The following AIM2 variants were observed in gnomAD, a reference collection of about 807,000 sequenced individuals.
AIM2 encodes the protein absent in melanoma 2.
AIM2 carries 30 observed loss-of-function variants against 27.7 expected under a neutral mutation model. The ratio of observed to expected loss-of-function variants is 1.08; its 90% CI spans 0.81 to 1.47. AIM2 has a LOEUF of 1.47. Among genes scored for constraint, AIM2 ranks in the 40% most tolerant of loss-of-function variants. The pLI is 0.00. For synonymous variants in AIM2, 141 were observed against 145.3 expected (o/e 0.97, Z 0.21); for missense variants, 358 against 411.3 (o/e 0.87, Z 1.12).
chr1:159,144,510 A>G (rs971768340), upstream of AIM2, among the ~76,000 whole-genome samples: 3 of 152,318 alleles, frequency 2.0e-5, no homozygotes, highest in Middle Eastern at 3.4e-3. Flanking sequence ...AAAGGGCAGG[A>G]AGGGTGAAGT....
chr1:159,124,495 T>C lies in AIM2; in HGVS notation c.-16+15936A>G, dbSNP rs565098632. On this transcript the variant is annotated intron_variant, in intron 1 of 2. Transcript: ENST00000368129. ...TCTCGTCTATTGCTGTACTCTGTAATCTTTACTATTCTTTGGAATCCTCTC... is the reference window on the plus strand; with the variant it reads ...TCTCGTCTATTGCTGTACTCTGTAACCTTTACTATTCTTTGGAATCCTCTC... Among the ~76,000 whole-genome samples the C allele has an allele frequency of 1.3e-4, 20 of 152,332 alleles. No individual in the cohort carries two copies. In the East Asian group the frequency reaches 3.5e-3, roughly 26 times the overall value.
At chr1:159,105,525 T>C (rs1657420020) in intron 1 of AIM2, among the ~76,000 whole-genome samples, 1 of 152,108 alleles carries the variant, frequency 6.6e-6, no homozygotes, top group East Asian at 1.9e-4. Context: ...AACTGGAGGG[T>C]GAGCAAGGTA....
chr1:159,077,922 A>G (rs855873), upstream of AIM2, among the ~76,000 whole-genome samples: 128,378 of 152,216 alleles, frequency 0.84, 56,107 homozygotes, highest in East Asian at 1. Flanking sequence ...CCAAGTCATG[A>G]AAACAGACAT....
At chr1:159,127,280 A>G in intron 1 of AIM2, among the ~76,000 whole-genome samples, 1 of 152,262 alleles carries the variant, frequency 6.6e-6, no homozygotes, top group South Asian at 2.1e-4. Flanking sequence ...GGGTATGTAT[A>G]ATTTATTTCA....
At chr1:159,061,397 T>C (rs1655829232), downstream of AIM2, among the ~76,000 whole-genome samples, 1 of 151,976 alleles carries the variant, frequency 6.6e-6, no homozygotes. Flanking sequence ...GGATACAGGA[T>C]CTTTTTGTTT....
At chr1:159,073,113 T>C in intron 2 of AIM2, 125 bp downstream of exon 2, 1 of 1,172,306 alleles carries the variant, frequency 8.5e-7, no homozygotes. Context: ...AAGAGACAGG[T>C]GCACTAAGTT....
rs370464759 is a variant in AIM2, at chr1:159,113,068, C to T, written c.-16+27363G>A. ...CACGCCATTCTCCTGCCTCAGCCTCCGGAGTAGCTGGGACTACAGGCATCC... is the reference window on the plus strand; with the variant it reads ...CACGCCATTCTCCTGCCTCAGCCTCTGGAGTAGCTGGGACTACAGGCATCC... On this transcript the variant is annotated intron_variant, in intron 1 of 2. Coordinates refer to the AIM2 transcript ENST00000368129. 1.5e-4 allele frequency among the ~76,000 whole-genome samples: 23 copies of T among 152,010 alleles called. No individual in the cohort carries two copies. In the East Asian group the frequency reaches 1.7e-3, roughly 11 times the overall value.
upstream of AIM2, among the ~76,000 whole-genome samples, chr1:159,077,904 C>T (rs540904463): frequency 1.3e-5 from 2 of 152,258 alleles, no homozygotes; most frequent in South Asian, 2.1e-4. Context: ...AGATGTTGAG[C>T]GGCTCTGCCA....
intron 1 of AIM2, among the ~76,000 whole-genome samples, chr1:159,092,970 GAGCCAAGATCGCGC>G (rs1657080684): frequency 6.6e-6 from 1 of 152,016 alleles, no homozygotes; most frequent in African/African-American, 2.4e-5. Context: ...AGGTTGCAGT[GAGCCAAGATCGCGC>G]CACTACACTC....
chr1:159,064,476 A>G (rs1446053776), intron 4 of AIM2, among the ~76,000 whole-genome samples: 1 of 152,092 alleles, frequency 6.6e-6, no homozygotes, highest in Admixed American at 6.6e-5. Flanking sequence ...CTATTTGTTT[A>G]TTTTTTGAAA....
At chr1:159,081,317 G>C (rs536883259), upstream of AIM2, 9 of 222,910 alleles carry the variant, frequency 4.0e-5, no homozygotes, top group South Asian at 3.9e-4. Context: ...AAAATCTGTT[G>C]ACCTGGGTCT....
rs200352610 is a variant in AIM2 at position 159,119,887 on chromosome 1, CAGAG to C, written c.-16+20540_-16+20543del. On this transcript the variant is annotated intron_variant, in intron 1 of 2. Transcript: ENST00000368129. ...CTCCACATATGCACACTCACACATACAGAGAGACTTATAGATTATATGTAGATAA... is the reference window on the plus strand; with the variant it reads ...CTCCACATATGCACACTCACACATACAGACTTATAGATTATATGTAGATAA... Among the ~76,000 whole-genome samples, 1,193 of 151,988 alleles carry C rather than the reference CAGAG, an allele frequency of 7.8e-3. 10 individuals are homozygous for C. Among genetic ancestry groups the C allele is most frequent in the Non-Finnish European group, 0.014 (951 of 67,976 alleles).
upstream of AIM2, among the ~76,000 whole-genome samples, chr1:159,079,211 G>A (rs1272729465): frequency 6.6e-6 from 1 of 152,072 alleles, no homozygotes; most frequent in African/African-American, 2.4e-5. Flanking sequence ...CAAAAAGACA[G>A]TGCTAATACT....
At chr1:159,142,668 T>C (rs1648137279), upstream of AIM2, among the ~76,000 whole-genome samples, 1 of 152,184 alleles carries the variant, frequency 6.6e-6, no homozygotes, top group South Asian at 2.1e-4. Context: ...TAACCATATA[T>C]AAAGACCTCT....
At chr1:159,079,371 G>GA (rs936230238), upstream of AIM2, among the ~76,000 whole-genome samples, 50 of 151,166 alleles carry the variant, frequency 3.3e-4, no homozygotes, top group Non-Finnish European at 2.2e-4. Flanking sequence ...AAACAGGAGA[G>GA]AAAAAAAATA....
chr1:159,073,211 G>A (rs370595986), intron 2 of AIM2, 27 bp downstream of exon 2: 10 of 1,611,610 alleles, frequency 6.2e-6, no homozygotes, highest in African/African-American at 4.0e-5. Flanking sequence ...AAAAAGGGAC[G>A]GGGCAGGTGT....
intron 1 of AIM2, among the ~76,000 whole-genome samples, chr1:159,082,659 G>T (rs146085057): frequency 1.3e-5 from 2 of 152,190 alleles, no homozygotes; most frequent in East Asian, 3.9e-4. Context: ...ACTATCCCAC[G>T]TAGTATAAGA....
At chr1:159,055,235 C>T in the AIM2 span, 73 of 169,858 alleles carry the variant, frequency 4.3e-4, no homozygotes, top group African/African-American at 1.4e-3. Context: ...CAGGGTGGGG[C>T]ACACAGGCCT....
chr1:159,073,642 T>G, intron 1 of AIM2, 123 bp from the exon 2 acceptor site: 3 of 979,050 alleles, frequency 3.1e-6, no homozygotes, highest in Non-Finnish European at 4.4e-6. Flanking sequence ...GTAAAAGAGA[T>G]TTGAGTAGGA....
Sources: allele counts gnomAD v4.1 joint callset (sites outside exome capture counted in the v4.1 genomes callset), GRCh38; gene constraint gnomAD v4.1.1; transcripts MANE v1.5; gene names NCBI Gene and HGNC (gene_info 2026-07-23, HGNC 2026-07-21).